FHIP2A: variants seen among roughly 807,000 people sequenced by gnomAD.
FHIP2A encodes family with sequence similarity 160 member B1.
A neutral mutation model predicts 93.5 loss-of-function variants in FHIP2A; 46 were observed. The observed-to-expected ratio is 0.49, with a 90% CI of 0.39 to 0.63. The LOEUF (loss-of-function observed/expected upper bound fraction) is 0.63. Ranked by LOEUF, FHIP2A falls within the 20% of genes least tolerant of loss-of-function variation. The pLI is 0.00. For synonymous variants in FHIP2A, 332 were observed against 326.5 expected (o/e 1.02, Z -0.18); for missense variants, 769 against 909.7 (o/e 0.85, Z 1.99).
intron 5 of FHIP2A, 92 bp downstream of exon 5, chr10:114,836,338 G>A: frequency 9.8e-7 from 1 of 1,015,556 alleles, no homozygotes; most frequent in Non-Finnish European, 1.4e-6. Context: ...AAGGAGCTCT[G>A]TTTTGCAGGT....
At chr10:114,877,094 A>C (rs2083893230) in intron 16 of FHIP2A, among the ~76,000 whole-genome samples, 1 of 152,160 alleles carries the variant, frequency 6.6e-6, no homozygotes, top group East Asian at 1.9e-4. Context: ...TTGCCGACAC[A>C]TCCGGGCAAG....
chr10:114,882,194 A>G (rs775062436), intron 16 of FHIP2A, among the ~76,000 whole-genome samples: 2 of 152,164 alleles, frequency 1.3e-5, no homozygotes, highest in Non-Finnish European at 2.9e-5. Context: ...TCACCTCCAG[A>G]AGCTGGGGGA....
intron 1 of FHIP2A, among the ~76,000 whole-genome samples, chr10:114,829,750 A>T (rs578024713): frequency 3.3e-5 from 5 of 152,222 alleles, no homozygotes; most frequent in Non-Finnish European, 7.3e-5. Flanking sequence ...GGCCTCTGAC[A>T]ACACTAGGAC....
At chr10:114,884,965 C>T (rs981328959) in intron 16 of FHIP2A, among the ~76,000 whole-genome samples, 10 of 150,544 alleles carry the variant, frequency 6.6e-5, no homozygotes, top group Non-Finnish European at 1.5e-4. Context: ...ATCTGATATT[C>T]AGGGTAAGAA....
Position 114,829,152 on chromosome 10 carries a change from G to A in FHIP2A, c.46-1700G>A, listed in dbSNP as rs569221497. ...GAGAAGTAAAGAAACAAAAGAATGG[G>A]TACTCCATAGGCAGGGCAGCCCCAA... is the stretch of plus-strand genomic sequence containing the variant. On this transcript the variant is annotated intron_variant, in intron 1 of 16. Transcript: ENST00000369248. Among the ~76,000 whole-genome samples, 15 of 152,286 alleles carry A rather than the reference G, an allele frequency of 9.8e-5. No individual in the cohort carries two copies. The South Asian group carries it at 3.1e-3, about 32-fold the overall frequency.
intron 5 of FHIP2A, among the ~76,000 whole-genome samples, chr10:114,836,756 G>A (rs2083638892): frequency 6.6e-6 from 1 of 151,896 alleles, no homozygotes; most frequent in African/African-American, 2.4e-5. Context: ...TGATATTTTG[G>A]ATTTTACTCC....
rs1255613689 is a variant in FHIP2A at position 114,860,774 on chromosome 10, C to G, written c.1973C>G (p.Thr658Ser). The G allele has an allele frequency of 6.2e-7, 1 of 1,606,522 alleles. No individual in the cohort carries two copies. The highest frequency in any genetic ancestry group is 1.7e-5 in the Admixed American group (1 of 60,006). The change falls in exon 15 of 17, where the codon ACC (threonine) becomes AGC (serine). Residue 658 changes from threonine to serine, a missense_variant. Thr to Ser is a moderately conservative substitution (Grantham distance 58). Transcript: ENST00000369248. ...CCATATGATGTAAACTTACAAGTAA[C>G]CTCAGTGTTATCTAGACTTTCTCTC... is the stretch of plus-strand genomic sequence containing the variant. Reference protein sequence around the residue: ...DQPYDVNLQVTSVLSRLSLFP... With the variant: ...DQPYDVNLQVSSVLSRLSLFP...
chr10:114,874,497 G>T (rs757865736), intron 16 of FHIP2A, among the ~76,000 whole-genome samples: 25 of 152,054 alleles, frequency 1.6e-4, no homozygotes, highest in Non-Finnish European at 2.8e-4. Context: ...ACCTATTTTA[G>T]TATTTTTTCG....
At chr10:114,829,017 G>A (rs2083593069) in intron 1 of FHIP2A, among the ~76,000 whole-genome samples, 1 of 152,178 alleles carries the variant, frequency 6.6e-6, no homozygotes, top group South Asian at 2.1e-4. Flanking sequence ...CCAGCTCTGA[G>A]GTGGATGCTC....
chr10:114,833,439 G>T, intron 3 of FHIP2A, 37 bp downstream of exon 3: 3 of 1,561,094 alleles, frequency 1.9e-6, no homozygotes, highest in Non-Finnish European at 2.6e-6. Flanking sequence ...TTGGGCATTA[G>T]TACATGCATT....
downstream of FHIP2A, among the ~76,000 whole-genome samples, chr10:114,867,865 T>G (rs2143013934): frequency 6.6e-6 from 1 of 152,266 alleles, no homozygotes; most frequent in South Asian, 2.1e-4. Flanking sequence ...ATACCTAGTC[T>G]TCTTGAGGTG....
At chr10:114,842,148 C>A (rs1375242262) in intron 5 of FHIP2A, among the ~76,000 whole-genome samples, 4 of 152,104 alleles carry the variant, frequency 2.6e-5, no homozygotes, top group Non-Finnish European at 5.9e-5. Flanking sequence ...GCTTCAACCT[C>A]CCAGGCTCAA....
At chr10:114,898,234 C>T (rs574954688) in intron 16 of FHIP2A, among the ~76,000 whole-genome samples, 3 of 152,292 alleles carry the variant, frequency 2.0e-5, no homozygotes, top group Admixed American at 6.5e-5. Flanking sequence ...GCACTGTGTA[C>T]AGCTTTGTCA....
rs1566378450 is a variant in FHIP2A, at chr10:114,861,950, AAGT to A, written c.*413_*415del. 1 of 985,890 alleles carries A rather than the reference AAGT, an allele frequency of 1.0e-6. No homozygotes were observed. The highest frequency in any genetic ancestry group is 1.2e-6 in the Non-Finnish European group (1 of 830,012). The allele number at this position is 985,890 out of a possible 1,614,324, so 61.1% of individuals were successfully genotyped here. ...AATGCTTGTATTCTTTTGGATTAATAAGTAGCAAAAAAAAATCACTAATTTTAT... is the reference window on the plus strand; with the variant it reads ...AATGCTTGTATTCTTTTGGATTAATAAGCAAAAAAAAATCACTAATTTTAT... On this transcript the variant is annotated 3_prime_UTR_variant, in exon 17 of 17. Transcript: ENST00000369248.
At chr10:114,849,995 A>G (rs1322946737) in intron 13 of FHIP2A, among the ~76,000 whole-genome samples, 1 of 152,066 alleles carries the variant, frequency 6.6e-6, no homozygotes, top group Non-Finnish European at 1.5e-5. Flanking sequence ...TATTGTACGG[A>G]TATTTTGTGT....
rs750060098 is a variant in FHIP2A, at chr10:114,875,728, A to G, written c.2192+14394A>G. ...AGAAAGAAAGAGAGAGAAAGAAAGAAAGAGAGAGAAAGAAAGAAAGAAAGA... is the reference window on the plus strand; with the variant it reads ...AGAAAGAAAGAGAGAGAAAGAAAGAGAGAGAGAGAAAGAAAGAAAGAAAGA... On this transcript the variant is annotated intron_variant, in intron 16 of 16. Coordinates refer to the FHIP2A transcript ENST00000369250. Among the ~76,000 whole-genome samples, 121 of 150,350 alleles carry G rather than the reference A, an allele frequency of 8.0e-4. 2 individuals are homozygous for G. The highest frequency in any genetic ancestry group is 2.7e-4 in the Non-Finnish European group (18 of 67,766).
rs535607685 is a variant in FHIP2A at position 114,846,829 on chromosome 10, T to TA, written c.1568+102dup. On this transcript the variant is annotated intron_variant, in intron 11 of 16. Transcript: ENST00000369248. ...CCTTATCCTCAAAAGAAATACCTCT[T>TA]ACAGTTTAAAAGTTCTTAAAAGTAA... The TA allele has an allele frequency of 1.9e-4, 217 of 1,151,250 alleles. No homozygotes were observed. In the African/African-American group the frequency reaches 3.3e-3, roughly 17 times the overall value. The allele number at this position is 1,151,250 out of a possible 1,614,324, so 71.3% of individuals were successfully genotyped here. A position where few individuals can be genotyped will look rare whatever the true frequency, so the allele number is the denominator to read the frequency against.
intron 13 of FHIP2A, 75 bp downstream of exon 13, chr10:114,848,812 C>A: frequency 1.1e-6 from 1 of 900,204 alleles, no homozygotes; most frequent in Non-Finnish European, 1.8e-6. Flanking sequence ...CACTGCCCAC[C>A]ACCACTGCTC....
intron 13 of FHIP2A, among the ~76,000 whole-genome samples, chr10:114,848,969 C>T (rs1180132655): frequency 6.6e-6 from 1 of 151,486 alleles, no homozygotes; most frequent in Non-Finnish European, 1.5e-5. Context: ...ATGGTGAAAC[C>T]CCGTCTCTAC....
Sources: gnomAD v4.1 joint callset for allele counts (sites outside exome capture counted in the v4.1 genomes callset) on GRCh38, gnomAD v4.1.1 for gene constraint, MANE v1.5 for transcripts, NCBI Gene and HGNC (gene_info 2026-07-23, HGNC 2026-07-21) for gene names.